COG4: variants seen among roughly 807,000 people sequenced by gnomAD.
The protein encoded by COG4 is component of oligomeric golgi complex 4, also known as conserved oligomeric Golgi complex subunit 4.
In COG4, 65 loss-of-function variants were observed where a neutral mutation model predicts 95.1. The observed-to-expected ratio is 0.68, with a 90% CI of 0.56 to 0.84. The LOEUF (loss-of-function observed/expected upper bound fraction) is 0.84, where lower values mean the gene tolerates loss of function less well. Ranked by LOEUF, COG4 falls within the 40% of genes least tolerant of loss-of-function variation. COG4 has a pLI of 0.00. For synonymous variants in COG4, 421 were observed against 374.8 expected (o/e 1.12, Z -1.42); for missense variants, 1,045 against 989.1 (o/e 1.06, Z -0.76).
At chr16:70,484,266 G>A (rs2049082237) in intron 13 of COG4, among the ~76,000 whole-genome samples, 1 of 152,182 alleles carries the variant, frequency 6.6e-6, no homozygotes, top group Admixed American at 6.5e-5. Context: ...TATTAGTTGA[G>A]TGACCTTGGG....
chr16:70,507,471 T>C (rs1485977971), intron 8 of COG4, among the ~76,000 whole-genome samples: 2 of 152,128 alleles, frequency 1.3e-5, no homozygotes, highest in African/African-American at 2.4e-5. Flanking sequence ...CTAGGAGTAA[T>C]AGTTTGTATC....
chr16:70,507,739 G>A (rs2049608157), intron 8 of COG4, among the ~76,000 whole-genome samples: 1 of 151,438 alleles, frequency 6.6e-6, no homozygotes, highest in Non-Finnish European at 1.5e-5. Context: ...GTGCACGCCT[G>A]TAGTTCCAGC....
intron 7 of COG4, chr16:70,508,947 G>A (rs953778974): frequency 8.3e-5 from 45 of 544,770 alleles, no homozygotes; most frequent in Non-Finnish European, 1.4e-4. Flanking sequence ...GGGCACTGTT[G>A]CACATTTTGT....
At chr16:70,494,184 TG>T (rs2151747358) in intron 12 of COG4, among the ~76,000 whole-genome samples, 1 of 152,330 alleles carries the variant, frequency 6.6e-6, no homozygotes, top group Non-Finnish European at 1.5e-5. Context: ...TGTCCTGTCC[TG>T]ACAGCTGAAG....
chr16:70,491,818 A>C (rs2049249731), intron 12 of COG4, among the ~76,000 whole-genome samples: 1 of 137,042 alleles, frequency 7.3e-6, no homozygotes, highest in Admixed American at 7.4e-5. Context: ...GAACAAAACT[A>C]CGTCTCAAAA....
At chr16:70,523,299 A>T in intron 1 of COG4, 74 bp downstream of exon 1, 1 of 1,574,494 alleles carries the variant, frequency 6.4e-7, no homozygotes, top group Admixed American at 1.7e-5. Context: ...AGTTTCCCAC[A>T]GCCCGGATTT....
chr16:70,502,099 T>C (rs1269514179), intron 8 of COG4, among the ~76,000 whole-genome samples: 1 of 146,870 alleles, frequency 6.8e-6, no homozygotes, highest in East Asian at 2.1e-4. Flanking sequence ...CCGGCCAACA[T>C]GGTGAAACCC....
intron 12 of COG4, 103 bp from the exon 13 acceptor site, chr16:70,490,495 G>A: frequency 1.1e-6 from 1 of 936,264 alleles, no homozygotes; most frequent in South Asian, 1.3e-5. Context: ...GCTCAGAGAA[G>A]GGCTGGCTGG....
chr16:70,518,075 C>A (rs1052427426), intron 2 of COG4, among the ~76,000 whole-genome samples: 8 of 151,994 alleles, frequency 5.3e-5, no homozygotes, highest in Non-Finnish European at 8.8e-5. Flanking sequence ...GGACTACAGG[C>A]GCGTGCCACC....
At chr16:70,486,277 G>T (rs1388791009) in intron 13 of COG4, among the ~76,000 whole-genome samples, 2 of 152,188 alleles carry the variant, frequency 1.3e-5, no homozygotes, top group African/African-American at 4.8e-5. Context: ...TCATGTTTTG[G>T]GTTGCCAGGA....
rs374037904 is a variant in COG4, at chr16:70,519,655, C to T, written c.248G>A (p.Arg83Gln). 1.2e-5 allele frequency: 19 copies of T among 1,609,120 alleles called. No individual in the cohort carries two copies. The highest frequency in any genetic ancestry group is 1.6e-4 in the Middle Eastern group (1 of 6,078). ...CTGAGATGCACAGACTCACCCCATT[C>T]GGTGGAGAGTGACCATCTTACTTTC... ...TIESKMVTLHRMGPNLQLIEG... is the reference protein window; with the variant it reads ...TIESKMVTLHQMGPNLQLIEG... The change falls in exon 2 of 19, where the codon CGA (arginine) becomes CAA (glutamine). Residue 83 changes from arginine to glutamine, a missense_variant. By Grantham distance (43) the Arg-to-Gln change is conservative (BLOSUM62 1). Transcript: ENST00000323786.
chr16:70,497,264 C>A lies in COG4; in HGVS notation c.1438G>T (p.Ala480Ser). 1 of 1,614,120 alleles carries A rather than the reference C, an allele frequency of 6.2e-7. No individual in the cohort carries two copies. Among genetic ancestry groups the A allele is most frequent in the Non-Finnish European group, 8.5e-7 (1 of 1,180,026 alleles). Residue 480 changes from alanine (A) to serine (S), a missense_variant, in exon 11 of 19, where the codon GCC becomes TCC. By Grantham distance (99) the Ala-to-Ser change is moderately conservative (BLOSUM62 1). Transcript: ENST00000323786. ...TCTGTGGTGGCGAGGTTGATCATGG[C>A]ACAGAGACAGTCAATGCTGGAGCTG... Reference protein sequence around the residue: ...LSSSSIDCLCAMINLATTELE... With the variant: ...LSSSSIDCLCSMINLATTELE...
rs376421617 is a variant in COG4, at chr16:70,489,792, C to T, written c.1710+538G>A. Among the ~76,000 whole-genome samples, 16 of 152,158 alleles carry T rather than the reference C, an allele frequency of 1.1e-4. 1 individual carries two copies. Among genetic ancestry groups the T allele is most frequent in the African/African-American group, 3.6e-4 (15 of 41,514 alleles). ...GAGGGCTAAGGGACTTGTCCAAGGT[C>T]ACACGCCAACTATGTGCTGGAAGAT... is the stretch of plus-strand genomic sequence containing the variant. On this transcript the variant is annotated intron_variant, in intron 13 of 18. Coordinates refer to ENST00000323786, the MANE Select transcript of COG4 (RefSeq NM_015386.3).
At chr16:70,487,316 G>T (rs899555031) in intron 13 of COG4, among the ~76,000 whole-genome samples, 2 of 151,700 alleles carry the variant, frequency 1.3e-5, no homozygotes, top group African/African-American at 2.4e-5. Context: ...AAAAGACAAG[G>T]CCAGGCGAGG....
intron 13 of COG4, among the ~76,000 whole-genome samples, chr16:70,485,104 T>C (rs932912928): frequency 6.6e-6 from 1 of 151,930 alleles, no homozygotes; most frequent in Non-Finnish European, 1.5e-5. Flanking sequence ...GCATGGTGGC[T>C]CACTATTGTA....
chr16:70,495,563 T>A (rs2049324355), intron 12 of COG4, among the ~76,000 whole-genome samples: 1 of 151,972 alleles, frequency 6.6e-6, no homozygotes, highest in Admixed American at 6.6e-5. Flanking sequence ...GCGGCCAATG[T>A]GGGGGATGGA....
chr16:70,483,455 C>G (rs920380547), intron 14 of COG4, among the ~76,000 whole-genome samples: 2 of 151,544 alleles, frequency 1.3e-5, no homozygotes, highest in African/African-American at 2.4e-5. Context: ...CAGATCTCAG[C>G]TGATTCAGGT....
At chr16:70,484,007 G>T (rs200928450) in intron 13 of COG4, 38 bp from the exon 14 acceptor site, 505 of 1,467,086 alleles carry the variant, frequency 3.4e-4, no homozygotes, top group Non-Finnish European at 3.5e-4. Flanking sequence ...CCGAGCACGC[G>T]TGGGCCATGG....
intron 8 of COG4, among the ~76,000 whole-genome samples, chr16:70,504,170 T>C (rs964404139): frequency 6.6e-6 from 1 of 152,152 alleles, no homozygotes; most frequent in East Asian, 1.9e-4. Context: ...AATCAGTGAT[T>C]TTCTACTGAG....
Sources: allele counts gnomAD v4.1 joint callset (sites outside exome capture counted in the v4.1 genomes callset), GRCh38; gene constraint gnomAD v4.1.1; transcripts MANE v1.5; gene names NCBI Gene and HGNC (gene_info 2026-07-23, HGNC 2026-07-21).